SIN3A: variants seen among roughly 807,000 people sequenced by gnomAD.
The protein encoded by SIN3A is SIN3 transcription regulator family member A.
A neutral mutation model predicts 146.1 loss-of-function variants in SIN3A; 14 were observed. The observed-to-expected ratio is 0.10, with a 90% CI of 0.06 to 0.15. The LOEUF is 0.15. Ranked by LOEUF, SIN3A falls within the 10% of genes least tolerant of loss-of-function variation. The probability of loss-of-function intolerance (pLI) is 1.00; values close to 1 mark genes in which losing one functional copy is unlikely to be tolerated. For missense variants in SIN3A, 1,028 were observed against 1,576.0 expected, an observed-to-expected ratio of 0.65 and a Z score of 5.89; for synonymous variants, 572 against 572.0, an observed-to-expected ratio of 1.00 and a Z score of 0.00.
chr15:75,406,991 G>C (rs1048691748), intron 9 of SIN3A, 64 bp downstream of exon 9: 1 of 1,175,016 alleles, frequency 8.5e-7, no homozygotes, highest in East Asian at 2.4e-5. Flanking sequence ...ACCTTCCAGG[G>C]GGATAAGATG....
At position 75,380,633 on chromosome 15, in the gene SIN3A, G is replaced by C; in HGVS notation, c.3379C>G (p.Pro1127Ala). The change falls in exon 19 of 21, where the codon CCC (proline) becomes GCC (alanine). Residue 1127 changes from proline (P) to alanine (A), a missense_variant. By Grantham distance (27) the Pro-to-Ala change is conservative. This residue lies in a region of SIN3A where 488 missense variants were observed against 690.2 expected (regional missense o/e 0.71). Coordinates refer to ENST00000394947, the MANE Select transcript of SIN3A (RefSeq NM_001145358.2). ...EHLAQKPVFL[P>A]RNLRRIRKCQ... The stretch of plus-strand genomic sequence containing the variant: ...CAGATGACATGGCTCACTCACCTGG[G>C]GAGAAATACTGGTTTCTGTGCTAGA... 1 of 1,611,074 alleles carries C rather than the reference G, an allele frequency of 6.2e-7. No homozygotes were observed. Among genetic ancestry groups the C allele is most frequent in the East Asian group, 2.2e-5 (1 of 44,876 alleles).
rs2073860657 is a variant in SIN3A at position 75,422,763 on chromosome 15, T to C, written c.250A>G (p.Ser84Gly). 8.1e-6 allele frequency: 13 copies of C among 1,614,100 alleles called. No homozygotes were observed. The highest frequency in any genetic ancestry group is 1.1e-5 in the Non-Finnish European group (13 of 1,180,048). The change falls in exon 3 of 21, where the codon AGC becomes GGC. Residue 84 changes from serine to glycine, a missense_variant. By Grantham distance (56) the Ser-to-Gly change is moderately conservative (BLOSUM62 0). Around this residue, in one of 9 missense-constraint regions of SIN3A, gnomAD observed 152 missense variants for 231.5 expected, o/e 0.66. Coordinates refer to ENST00000394947, the MANE Select transcript of SIN3A (RefSeq NM_001145358.2). ...HGPAIAAVHS[S>G]HHHPTAVQPH... ...TGCACCGCTGTTGGGTGATGATGGCTGCTATGAACTGCTGCTATAGCGGGC... is the reference window on the plus strand; with the variant it reads ...TGCACCGCTGTTGGGTGATGATGGCCGCTATGAACTGCTGCTATAGCGGGC...
rs140446239 is a variant in SIN3A at position 75,389,379 on chromosome 15, G to A, written c.3021+273C>T. On this transcript the variant is annotated intron_variant, in intron 16 of 20. Coordinates refer to ENST00000394947, the MANE Select transcript of SIN3A (RefSeq NM_001145358.2). ...TGTGTGCTTACCCATGGCAGACAAG[G>A]TAAGAGATAGACAAGTTGTGCAGGA... 4.6e-5 allele frequency among the ~76,000 whole-genome samples: 7 copies of A among 152,212 alleles called. No individual in the cohort carries two copies. The East Asian group carries it at 1.3e-3, about 29-fold the overall frequency.
intron 19 of SIN3A, among the ~76,000 whole-genome samples, chr15:75,379,982 A>C (rs1279363941): frequency 6.6e-6 from 1 of 152,216 alleles, no homozygotes; most frequent in African/African-American, 2.4e-5. Context: ...TCCTTAACTC[A>C]TATAAGTGTC....
intron 19 of SIN3A, among the ~76,000 whole-genome samples, chr15:75,377,145 C>T (rs754733606): frequency 3.8e-4 from 58 of 152,108 alleles, no homozygotes; most frequent in Non-Finnish European, 6.5e-4. Context: ...TACCAAATTC[C>T]AATATCAATT....
intron 8 of SIN3A, among the ~76,000 whole-genome samples, chr15:75,409,183 G>A (rs548707666): frequency 2.6e-5 from 4 of 151,580 alleles, no homozygotes; most frequent in Admixed American, 1.3e-4. Context: ...CAGCCTGGGC[G>A]ACAGAGCAAG....
At chr15:75,440,127 G>T (rs985260526) in intron 1 of SIN3A, among the ~76,000 whole-genome samples, 2 of 151,302 alleles carry the variant, frequency 1.3e-5, no homozygotes, top group South Asian at 4.2e-4. Flanking sequence ...CTCCAGCCTG[G>T]GCAACAGAGC....
chr15:75,427,665 T>C (rs2073948623), intron 2 of SIN3A, among the ~76,000 whole-genome samples: 1 of 150,302 alleles, frequency 6.7e-6, no homozygotes, highest in Non-Finnish European at 1.5e-5. Flanking sequence ...GTCTCAAAAA[T>C]AAATAAATAA....
chr15:75,391,349 GTAGATGGAA>G (rs2073195506), intron 15 of SIN3A, among the ~76,000 whole-genome samples: 1 of 152,138 alleles, frequency 6.6e-6, no homozygotes, highest in Admixed American at 6.6e-5. Flanking sequence ...TTCTACCCAA[GTAGATGGAA>G]TCACCACAAT....
rs557171774 is a variant in SIN3A, at chr15:75,449,721, AAAAAG to A, written c.-34+1697_-34+1701del. Among the ~76,000 whole-genome samples the A allele has an allele frequency of 5.9e-3, 898 of 152,358 alleles. 8 individuals are homozygous for A. The highest frequency in any genetic ancestry group is 0.011 in the Non-Finnish European group (753 of 68,032). On this transcript the variant is annotated intron_variant, in intron 1 of 20. Coordinates refer to ENST00000394947, the MANE Select transcript of SIN3A (RefSeq NM_001145358.2). ...TGGTCTAACATAAGTACATAAAATAAAAAAGAAAAGACTTTTCACCTATAGTTACC... is the reference window on the plus strand; with the variant it reads ...TGGTCTAACATAAGTACATAAAATAAAAAAGACTTTTCACCTATAGTTACC...
intron 1 of SIN3A, among the ~76,000 whole-genome samples, chr15:75,434,336 A>AG (rs2074064325): frequency 6.6e-6 from 1 of 152,166 alleles, no homozygotes; most frequent in Admixed American, 6.5e-5. Context: ...AACCATATAT[A>AG]GCCTCACTAG....
rs1334148163 is a variant in SIN3A at position 75,412,816 on chromosome 15, C to T, written c.703G>A (p.Ala235Thr). ...GGAGCTGGCTGGGCAGGAGCTGGGG[C>T]TGACTGGGCTGAAGGCTGGGAAGGA... The part of the protein sequence containing the change: ...QHPSQPSAQS[A>T]PAPAQPAPQP... Residue 235 changes from alanine (A) to threonine (T), a missense_variant, in exon 5 of 21, where the codon GCC (alanine) becomes ACC (threonine). Transcript: ENST00000394947. 6.2e-7 allele frequency: 1 copy of T among 1,608,568 alleles called. No individual in the cohort carries two copies. Among genetic ancestry groups the T allele is most frequent in the Non-Finnish European group, 8.5e-7 (1 of 1,176,354 alleles).
chr15:75,430,328 C>G lies in SIN3A; in HGVS notation c.48G>C (p.Gln16His). Reference protein sequence around the residue: ...DDQESPVYAAQQRRIPGSTEA... With the variant: ...DDQESPVYAAHQRRIPGSTEA... The stretch of plus-strand genomic sequence containing the variant: ...CTGTGCTGCCAGGGATCCGACGCTG[C>G]TGGGCTGCATACACCGGTGACTCCT... Residue 16 changes from glutamine to histidine, a missense_variant, in exon 2 of 21, where the codon CAG (glutamine) becomes CAC (histidine). Coordinates refer to ENST00000394947, the MANE Select transcript of SIN3A (RefSeq NM_001145358.2). 1 of 1,614,088 alleles carries G rather than the reference C, an allele frequency of 6.2e-7. No homozygotes were observed. The highest frequency in any genetic ancestry group is 8.5e-7 in the Non-Finnish European group (1 of 1,180,000).
chr15:75,420,296 A>G (rs2073817624), intron 3 of SIN3A: 1 of 152,096 alleles, frequency 6.6e-6, no homozygotes, highest in South Asian at 2.1e-4. Flanking sequence ...TCTTGTCACC[A>G]CCAATCTACC....
chr15:75,398,265 T>C (rs2073340964), intron 12 of SIN3A, among the ~76,000 whole-genome samples: 1 of 152,216 alleles, frequency 6.6e-6, no homozygotes, highest in Admixed American at 6.5e-5. Context: ...AAACCAGACA[T>C]ATAAACACAC....
chr15:75,423,666 A>G (rs1007395290), intron 2 of SIN3A, among the ~76,000 whole-genome samples: 1 of 152,152 alleles, frequency 6.6e-6, no homozygotes, highest in South Asian at 2.1e-4. Context: ...CGACAAAGCA[A>G]GACTCCATCT....
chr15:75,386,283 C>T (rs1169031272), intron 16 of SIN3A, among the ~76,000 whole-genome samples: 1 of 152,252 alleles, frequency 6.6e-6, no homozygotes, highest in East Asian at 1.9e-4. Context: ...CCGCCTTGGC[C>T]TCCCAAACTG....
chr15:75,437,150 T>C (rs566631307), intron 1 of SIN3A, among the ~76,000 whole-genome samples: 52 of 149,804 alleles, frequency 3.5e-4, no homozygotes, highest in African/African-American at 1.3e-3. Flanking sequence ...CTCGCAACAA[T>C]CCTGTCAGAT....
rs2073859975 is a variant in SIN3A, at chr15:75,422,730, C to T, written c.283G>A (p.Gly95Arg). ...HHHPTAVQPH[G>R]GQVVQSHAHP... Reference sequence around the variant, plus strand: ...GCATGACTCTGGACCACCTGGCCTCCGTGGGGCTGCACCGCTGTTGGGTGA... The same window carrying T: ...GCATGACTCTGGACCACCTGGCCTCTGTGGGGCTGCACCGCTGTTGGGTGA... The change falls in exon 3 of 21, where the codon GGA becomes AGA. Residue 95 changes from glycine (G) to arginine (R), a missense_variant. Gly to Arg is a moderately radical substitution (Grantham distance 125). Coordinates refer to ENST00000394947, the MANE Select transcript of SIN3A (RefSeq NM_001145358.2). The T allele has an allele frequency of 2.5e-6, 4 of 1,614,188 alleles. No individual in the cohort carries two copies. The highest frequency in any genetic ancestry group is 1.7e-5 in the Admixed American group (1 of 60,020).
Sources: gnomAD v4.1 joint callset for allele counts (sites outside exome capture counted in the v4.1 genomes callset) on GRCh38, gnomAD v4.1.1 for gene constraint, gnomAD v4.1.1 regional missense constraint, MANE v1.5 for transcripts, NCBI Gene and HGNC (gene_info 2026-07-23, HGNC 2026-07-21) for gene names.